ERMP1: variants seen among roughly 807,000 people sequenced by gnomAD.
The protein encoded by ERMP1 is endoplasmic reticulum metallopeptidase 1.
In ERMP1, 86 loss-of-function variants were observed where a neutral mutation model predicts 92.0. The observed-to-expected ratio is 0.93, with a 90% CI of 0.79 to 1.12. The LOEUF is 1.12. Ranked by LOEUF, ERMP1 falls within the 50% of genes most tolerant of loss-of-function variation. The pLI, the probability that ERMP1 is intolerant of heterozygous loss-of-function variation, is 0.00. For missense variants in ERMP1, 1,342 were observed against 1,116.3 expected (o/e 1.20, Z -2.88); for synonymous variants, 530 against 412.8 (o/e 1.28, Z -3.44).
At chr9:5,851,121 G>C (rs1169143304) in intron 6 of ERMP1, among the ~76,000 whole-genome samples, 1 of 152,118 alleles carries the variant, frequency 6.6e-6, no homozygotes, top group African/African-American at 2.4e-5. Context: ...ATGCTGTGCT[G>C]GTATCAAGCA....
upstream of ERMP1, among the ~76,000 whole-genome samples, chr9:5,835,466 G>A (rs12376584): frequency 6.6e-6 from 1 of 152,228 alleles, no homozygotes; most frequent in Non-Finnish European, 1.5e-5. Context: ...GGTGATCAGA[G>A]ATGGTCTCAC....
chr9:5,865,074 A>G (rs1830611991), intron 5 of ERMP1, among the ~76,000 whole-genome samples: 1 of 152,238 alleles, frequency 6.6e-6, no homozygotes, highest in African/African-American at 2.4e-5. Context: ...AAATTATGGT[A>G]CAATTGCTAG....
rs35320045 is a variant in ERMP1, at chr9:5,786,059, T to C, written c.*1085A>G. On this transcript the variant is annotated 3_prime_UTR_variant, in exon 15 of 15. Coordinates refer to ENST00000339450, the MANE Select transcript of ERMP1 (RefSeq NM_024896.3). ...TACACGTACAGTGGTCTCATTCCAG[T>C]ATAAGCCACAACCTCAAGTCTCAGG... 0.028 allele frequency: 4,192 copies of C among 152,262 alleles called. 71 individuals are homozygous for C. The highest frequency in any genetic ancestry group is 0.037 in the African/African-American group (1,540 of 41,542). The allele number at this position is 152,262 out of a possible 1,614,324, so 9.4% of individuals were successfully genotyped here.
Position 5,830,718 on chromosome 9 carries a change from G to A in ERMP1, c.640+9C>T, listed in dbSNP as rs111933622. On this transcript the variant is annotated intron_variant, in intron 2 of 14. Coordinates refer to ENST00000339450, the MANE Select transcript of ERMP1 (RefSeq NM_024896.3). ...ACAAGTTCCAAATGACTAAAAAACAGGTACATACCTGGTGAGTTTGCTACT... is the reference window on the plus strand; with the variant it reads ...ACAAGTTCCAAATGACTAAAAAACAAGTACATACCTGGTGAGTTTGCTACT... 2.4e-5 allele frequency: 38 copies of A among 1,593,370 alleles called. No homozygotes were observed. In the African/African-American group the frequency reaches 3.7e-4, roughly 15 times the overall value.
intron 13 of ERMP1, among the ~76,000 whole-genome samples, chr9:5,788,954 A>T (rs1220460549): frequency 6.6e-6 from 1 of 152,202 alleles, no homozygotes; most frequent in Non-Finnish European, 1.5e-5. Context: ...TAACAGTCAT[A>T]AAGACAGGAG....
intron 13 of ERMP1, among the ~76,000 whole-genome samples, chr9:5,792,766 A>G (rs997143678): frequency 5.9e-5 from 9 of 152,234 alleles, no homozygotes; most frequent in Non-Finnish European, 1.0e-4. Flanking sequence ...GAAGCAGTAC[A>G]GTGTTAACTG....
intron 6 of ERMP1, among the ~76,000 whole-genome samples, chr9:5,853,838 T>G (rs1412009507): frequency 6.6e-6 from 1 of 150,846 alleles, no homozygotes; most frequent in Non-Finnish European, 1.5e-5. Context: ...GCTCTCTAGA[T>G]GTAGCCTTGC....
intron 2 of ERMP1, among the ~76,000 whole-genome samples, chr9:5,828,852 T>A (rs2129677713): frequency 6.6e-6 from 1 of 152,334 alleles, no homozygotes; most frequent in East Asian, 1.9e-4. Context: ...TATAATGTTC[T>A]TAAGCAACCA....
chr9:5,794,792 C>T (rs540352828), intron 13 of ERMP1, among the ~76,000 whole-genome samples: 5 of 152,170 alleles, frequency 3.3e-5, no homozygotes, highest in East Asian at 1.9e-4. Context: ...ACCAAGCCTA[C>T]GGGGGTTCAT....
At chr9:5,866,172 G>A (rs34938807) in intron 5 of ERMP1, among the ~76,000 whole-genome samples, 2,039 of 152,296 alleles carry the variant, frequency 0.013, 23 homozygotes, top group Non-Finnish European at 0.021. Flanking sequence ...GGGGTAAATT[G>A]CAGATGAGCC....
chr9:5,802,238 T>TA (rs1828700071), intron 10 of ERMP1, among the ~76,000 whole-genome samples: 1 of 152,184 alleles, frequency 6.6e-6, no homozygotes, highest in Non-Finnish European at 1.5e-5. Flanking sequence ...ATGTGTGACC[T>TA]AAGGCTAGTA....
intron 8 of ERMP1, among the ~76,000 whole-genome samples, chr9:5,806,060 A>G (rs1272686591): frequency 6.6e-6 from 1 of 152,176 alleles, no homozygotes; most frequent in Non-Finnish European, 1.5e-5. Context: ...AAAAGTAGAA[A>G]TTTTCCAAAA....
intron 4 of ERMP1, among the ~76,000 whole-genome samples, 195 bp from the exon 5 acceptor site, chr9:5,813,230 T>C (rs1164198029): frequency 6.6e-6 from 1 of 152,182 alleles, no homozygotes; most frequent in Admixed American, 6.5e-5. Context: ...TAAAAACCTT[T>C]TGTGAAAATA....
In ERMP1 at chr9:5,797,890, A is replaced by G; in HGVS notation, c.2313T>C (p.Asn771=). Residue 771 remains asparagine, a synonymous_variant, in exon 13 of 15, where the codon AAT becomes AAC. Transcript: ENST00000339450. ...YLPAPEVSPR[N]PPHFRLISKE... ...TGGATATGAGTCGGAAATGAGGAGG[A>G]TTTCTTGGAGAAACTTCTGGGGCAG... 1 of 1,613,730 alleles carries G rather than the reference A, an allele frequency of 6.2e-7. No homozygotes were observed. The highest frequency in any genetic ancestry group is 8.5e-7 in the Non-Finnish European group (1 of 1,179,806).
At chr9:5,838,656 T>A (rs1314986465) in intron 6 of ERMP1, among the ~76,000 whole-genome samples, 1 of 152,050 alleles carries the variant, frequency 6.6e-6, no homozygotes, top group Non-Finnish European at 1.5e-5. Context: ...ATCAAATATA[T>A]GGAAATGACT....
At chr9:5,797,358 A>G (rs1828472752) in intron 13 of ERMP1, among the ~76,000 whole-genome samples, 1 of 151,680 alleles carries the variant, frequency 6.6e-6, no homozygotes, top group South Asian at 2.1e-4. Flanking sequence ...AAGAAGTCAT[A>G]ACCAGCTTTG....
At chr9:5,827,526 T>C (rs913490437) in intron 2 of ERMP1, among the ~76,000 whole-genome samples, 1 of 152,228 alleles carries the variant, frequency 6.6e-6, no homozygotes, top group Non-Finnish European at 1.5e-5. Flanking sequence ...GAAATTGCCT[T>C]GAGATTGTTG....
intron 11 of ERMP1, 51 bp downstream of exon 11, chr9:5,801,125 C>A: frequency 6.4e-7 from 1 of 1,560,686 alleles, no homozygotes; most frequent in Non-Finnish European, 8.7e-7. Context: ...AAGCTCAAAA[C>A]ACACAGGGCT....
chr9:5,820,065 T>G (rs1829471758), intron 4 of ERMP1, among the ~76,000 whole-genome samples: 2 of 152,184 alleles, frequency 1.3e-5, no homozygotes, highest in African/African-American at 4.8e-5. Flanking sequence ...TTTGGGAAAC[T>G]GAGTGGGCCG....
Sources: allele counts gnomAD v4.1 joint callset (sites outside exome capture counted in the v4.1 genomes callset), GRCh38; gene constraint gnomAD v4.1.1; transcripts MANE v1.5; gene names NCBI Gene and HGNC (gene_info 2026-07-23, HGNC 2026-07-21).